The following CSMD1 variants were observed in gnomAD, a reference collection of about 807,000 sequenced individuals.
CSMD1 encodes CUB and sushi domain-containing protein 1.
Under a neutral mutation model 417.5 loss-of-function variants are expected in CSMD1, and 213 were observed. The observed-to-expected ratio is 0.51, with a 90% CI of 0.46 to 0.57. The LOEUF (loss-of-function observed/expected upper bound fraction) is 0.57, where lower values mean the gene tolerates loss of function less well. Among genes scored for constraint, CSMD1 ranks in the 20% least tolerant of loss-of-function variants. The probability of loss-of-function intolerance (pLI) is 0.00; values close to 1 mark genes in which losing one functional copy is unlikely to be tolerated. For missense variants in CSMD1, 6,923 were observed against 4,529.7 expected (o/e 1.53, Z -15.17); for synonymous variants, 2,862 against 1,736.8 (o/e 1.65, Z -16.11).
intron 1 of CSMD1, among the ~76,000 whole-genome samples, chr8:4,920,509 G>A (rs1401966417): frequency 6.6e-6 from 1 of 152,092 alleles, no homozygotes; most frequent in Non-Finnish European, 1.5e-5. Context: ...TTTAGTTACT[G>A]GGGACCTGTC....
At position 4,397,509 on chromosome 8, in the gene CSMD1, A is replaced by C. The variant is rs890964818; in HGVS notation, c.415+22444T>G. Among the ~76,000 whole-genome samples the C allele has an allele frequency of 5.8e-4, 86 of 149,540 alleles. 1 individual carries two copies. Among genetic ancestry groups the C allele is most frequent in the African/African-American group, 1.9e-3 (79 of 40,704 alleles). ...TTCTGTGTGCCCATGAGCAATGTCA[A>C]CAAGCCTGAGACTCTTTTTTTTTTT... is the stretch of plus-strand genomic sequence containing the variant. On this transcript the variant is annotated intron_variant, in intron 3 of 69. Transcript: ENST00000635120.
chr8:3,185,919 T>A (rs2589290), intron 36 of CSMD1, among the ~76,000 whole-genome samples: 2 of 151,944 alleles, frequency 1.3e-5, no homozygotes, highest in Non-Finnish European at 2.9e-5. Context: ...ACAGACTGCA[T>A]GGCTCCCGTG....
chr8:4,715,155 T>G (rs1449671456), intron 1 of CSMD1, among the ~76,000 whole-genome samples: 2 of 152,292 alleles, frequency 1.3e-5, no homozygotes, highest in South Asian at 2.1e-4. Flanking sequence ...ATAAACTAAC[T>G]ATGCTTTAGT....
chr8:3,961,239 T>C (rs566439890), intron 5 of CSMD1, among the ~76,000 whole-genome samples: 78 of 152,248 alleles, frequency 5.1e-4, no homozygotes, highest in African/African-American at 1.8e-3. Flanking sequence ...AAGTAAGCTA[T>C]TGAAGAAAAA....
intron 3 of CSMD1, among the ~76,000 whole-genome samples, chr8:4,076,922 G>A (rs1246366507): frequency 6.6e-6 from 1 of 151,940 alleles, no homozygotes; most frequent in Admixed American, 6.6e-5. Context: ...CTATAACATG[G>A]ATATCAGTAA....
At chr8:3,283,534 G>A (rs983173189) in intron 26 of CSMD1, among the ~76,000 whole-genome samples, 1 of 151,854 alleles carries the variant, frequency 6.6e-6, no homozygotes, top group African/African-American at 2.4e-5. Flanking sequence ...GATACTGACA[G>A]TGTTCAGAAC....
At chr8:4,745,145 A>G (rs1026433995) in intron 1 of CSMD1, among the ~76,000 whole-genome samples, 13 of 152,174 alleles carry the variant, frequency 8.5e-5, no homozygotes, top group African/African-American at 3.1e-4. Context: ...ATACTTTTAA[A>G]ATTAGATTTA....
chr8:3,582,238 G>A (rs1358538888), intron 9 of CSMD1, among the ~76,000 whole-genome samples: 1 of 152,184 alleles, frequency 6.6e-6, no homozygotes, highest in Non-Finnish European at 1.5e-5. Context: ...CCATTTTCCT[G>A]GACACTGTAG....
At chr8:4,423,735 CA>C (rs144281230) in intron 2 of CSMD1, among the ~76,000 whole-genome samples, 8 of 147,616 alleles carry the variant, frequency 5.4e-5, no homozygotes, top group South Asian at 2.2e-4. Context: ...GGCAAACAAA[CA>C]AAAAAAAATA....
intron 3 of CSMD1, among the ~76,000 whole-genome samples, chr8:4,096,430 A>G (rs1407410846): frequency 6.6e-6 from 1 of 152,160 alleles, no homozygotes. Flanking sequence ...GGAAGGAAAA[A>G]TGCAAACCAG....
chr8:4,382,119 C>T (rs73177321), intron 3 of CSMD1, among the ~76,000 whole-genome samples: 4 of 152,274 alleles, frequency 2.6e-5, no homozygotes, highest in Non-Finnish European at 5.9e-5. Flanking sequence ...ATAGAATGCA[C>T]TTCAATAAAG....
chr8:2,963,429 G>C (rs373494629), intron 59 of CSMD1, 34 bp from the exon 60 acceptor site: 5 of 1,601,676 alleles, frequency 3.1e-6, no homozygotes, highest in Non-Finnish European at 4.3e-6. Flanking sequence ...TCAACATTCC[G>C]GAGCTCCCGC....
chr8:3,757,339 G>C (rs1237654228), intron 5 of CSMD1, among the ~76,000 whole-genome samples: 2 of 152,202 alleles, frequency 1.3e-5, no homozygotes, highest in African/African-American at 2.4e-5. Context: ...CAACTTTGCA[G>C]GTGTAGTTGG....
chr8:4,083,642 A>G (rs533755548), intron 3 of CSMD1, among the ~76,000 whole-genome samples: 3 of 152,310 alleles, frequency 2.0e-5, no homozygotes, highest in Admixed American at 6.5e-5. Context: ...AGCCATATGT[A>G]GAAAGCTGAA....
At chr8:3,118,619 A>T (rs755215117) in intron 41 of CSMD1, 32 bp from the exon 42 acceptor site, 2 of 1,593,702 alleles carry the variant, frequency 1.3e-6, no homozygotes, top group African/African-American at 2.7e-5. Context: ...AATAAAGCTT[A>T]TATTTGTGAG....
At chr8:3,552,775 T>G (rs1456363174) in intron 10 of CSMD1, among the ~76,000 whole-genome samples, 3 of 152,224 alleles carry the variant, frequency 2.0e-5, no homozygotes, top group Non-Finnish European at 2.9e-5. Flanking sequence ...AGAACAGTTC[T>G]GCTTTTTAAT....
intron 12 of CSMD1, among the ~76,000 whole-genome samples, chr8:3,459,649 G>C (rs1002027212): frequency 6.6e-6 from 1 of 152,092 alleles, no homozygotes. Context: ...ACGGTCCAGG[G>C]GAGGTGGACT....
intron 56 of CSMD1, among the ~76,000 whole-genome samples, chr8:2,973,993 G>C (rs1229862806): frequency 7.0e-6 from 1 of 142,316 alleles, no homozygotes; most frequent in African/African-American, 2.8e-5. Flanking sequence ...TGGTGGTAGA[G>C]GATGATGGTA....
intron 2 of CSMD1, among the ~76,000 whole-genome samples, chr8:4,446,707 C>CAT: frequency 6.8e-6 from 1 of 146,758 alleles, no homozygotes; most frequent in East Asian, 1.9e-4. Context: ...TGCCCACCAC[C>CAT]ATGCCTGAGT....
Sources: gnomAD v4.1 joint callset for allele counts (sites outside exome capture counted in the v4.1 genomes callset) on GRCh38, gnomAD v4.1.1 for gene constraint, MANE v1.5 for transcripts, NCBI Gene and HGNC (gene_info 2026-07-23, HGNC 2026-07-21) for gene names.